The following USP24 variants were observed in gnomAD, a reference collection of about 807,000 sequenced individuals.
USP24 encodes ubiquitin carboxyl-terminal hydrolase 24.
USP24 carries 97 observed loss-of-function variants against 361.6 expected under a neutral mutation model. The ratio of observed to expected loss-of-function variants is 0.27; its 90% CI spans 0.23 to 0.32. USP24 has a LOEUF of 0.32. USP24 is among the 10% of genes least tolerant of loss of function. The pLI, the probability that USP24 is intolerant of heterozygous loss-of-function variation, is 1.00. For synonymous variants in USP24, 1,098 were observed against 1,124.6 expected (o/e 0.98, Z 0.47); for missense variants, 2,353 against 3,165.6 (o/e 0.74, Z 6.16).
intron 54 of USP24, among the ~76,000 whole-genome samples, chr1:55,091,211 G>A (rs1475700115): frequency 1.3e-5 from 1 of 79,362 alleles, no homozygotes; most frequent in African/African-American, 2.7e-5. Context: ...TTAGGAACAG[G>A]GCCGCACAGC....
At chr1:55,073,045 G>C (rs1371005196) in intron 64 of USP24, 184 bp from the exon 65 acceptor site, 5 of 598,206 alleles carry the variant, frequency 8.4e-6, no homozygotes, top group African/African-American at 1.9e-5. Context: ...TTCCCCCAGG[G>C]GCTGGGGGAA....
At chr1:55,179,948 T>C (rs1643914714) in intron 1 of USP24, among the ~76,000 whole-genome samples, 1 of 152,234 alleles carries the variant, frequency 6.6e-6, no homozygotes, top group East Asian at 1.9e-4. Flanking sequence ...CCTTAAAATC[T>C]TCATGGCTTT....
Position 55,154,452 on chromosome 1 carries a change from C to CA in USP24, c.1568_1569insT (p.Glu523AspfsTer3). The CA allele has an allele frequency of 6.4e-7, 1 of 1,551,474 alleles. No homozygotes were observed. Among genetic ancestry groups the CA allele is most frequent in the Non-Finnish European group, 8.7e-7 (1 of 1,146,824 alleles). ...AAAGCTTCTGTCTTACTCTATCACT[C>CA]TCAGTCTCCCAGCTCTGTAGAACGG... On this transcript the variant is annotated frameshift_variant, in exon 14 of 68. Transcript: ENST00000294383. LOFTEE classifies it high-confidence loss of function.
intron 5 of USP24, among the ~76,000 whole-genome samples, chr1:55,167,559 C>T (rs961754728): frequency 6.6e-6 from 1 of 152,088 alleles, no homozygotes; most frequent in Non-Finnish European, 1.5e-5. Flanking sequence ...GTCACTCTTG[C>T]AGTTCTGTGA....
chr1:55,181,904 C>A (rs1643979276), intron 1 of USP24, among the ~76,000 whole-genome samples: 1 of 152,046 alleles, frequency 6.6e-6, no homozygotes, highest in Non-Finnish European at 1.5e-5. Context: ...GGGCCCTAAT[C>A]CAATAAAACT....
chr1:55,077,201 T>C, intron 62 of USP24, 34 bp downstream of exon 62: 1 of 1,451,570 alleles, frequency 6.9e-7, no homozygotes. Context: ...AATACATTCC[T>C]AAATAAAAGT....
At chr1:55,188,947 A>G (rs1472887287) in intron 1 of USP24, among the ~76,000 whole-genome samples, 7 of 145,294 alleles carry the variant, frequency 4.8e-5, no homozygotes, top group Non-Finnish European at 9.0e-5. Flanking sequence ...CTGGACAACA[A>G]GAGCAAAACT....
rs773448005 is a variant in USP24, at chr1:55,215,083, T to C, written c.31A>G (p.Thr11Ala). 1 of 1,392,792 alleles carries C rather than the reference T, an allele frequency of 7.2e-7. No individual in the cohort carries two copies. The highest frequency in any genetic ancestry group is 9.4e-7 in the Non-Finnish European group (1 of 1,065,614). 86.3% of individuals were successfully genotyped at this position (1,392,792 alleles called of 1,614,324 possible). Residue 11 changes from threonine (T) to alanine (A), a missense_variant, in exon 1 of 68, where the codon ACG becomes GCG. Around this residue, in one of 8 missense-constraint regions of USP24, gnomAD observed 253 missense variants for 255.3 expected, o/e 0.99. Coordinates refer to ENST00000294383, the MANE Select transcript of USP24 (RefSeq NM_015306.3). Reference protein sequence around the residue: MESEEEQHMTTLLCMGFSDPA... With the variant: MESEEEQHMTALLCMGFSDPA... ...TCTGAGAAGCCCATGCACAGCAGCG[T>C]GGTCATGTGCTGCTCCTCCTCCGAT...
Position 55,133,341 on chromosome 1 carries a change from A to G in USP24, c.3382-641T>C, listed in dbSNP as rs541462078. Among the ~76,000 whole-genome samples the G allele has an allele frequency of 2.6e-5, 4 of 152,364 alleles. No individual in the cohort carries two copies. In the East Asian group the frequency reaches 7.7e-4, roughly 29 times the overall value. On this transcript the variant is annotated intron_variant, in intron 30 of 67. Coordinates refer to ENST00000294383, the MANE Select transcript of USP24 (RefSeq NM_015306.3). ...TAAATATCAACTGTGAAAAAATTAA[A>G]TGATAATCCATTTATATTAGCAACT...
intron 1 of USP24, among the ~76,000 whole-genome samples, chr1:55,204,918 G>C (rs1644667122): frequency 6.6e-6 from 1 of 152,080 alleles, no homozygotes; most frequent in African/African-American, 2.4e-5. Context: ...TTTTTATTCT[G>C]AGAACTCTTT....
intron 36 of USP24, among the ~76,000 whole-genome samples, chr1:55,122,239 A>G (rs977771983): frequency 2.0e-5 from 3 of 152,162 alleles, no homozygotes; most frequent in African/African-American, 7.2e-5. Context: ...TAATTTTTTT[A>G]TAGGTGGTTG....
chr1:55,097,095 T>C lies in USP24; in HGVS notation c.5793A>G (p.Glu1931=). Reference sequence around the variant, plus strand: ...CGCCCTGATCCACACTTCGCCCATTTTCCCCAACTTCAGAAGAAGAATCTT... The same window carrying C: ...CGCCCTGATCCACACTTCGCCCATTCTCCCCAACTTCAGAAGAAGAATCTT... The part of the protein sequence containing the change: ...ARQDSSSEVG[E]NGRSVDQGGG... The change falls in exon 49 of 68, where the codon GAA becomes GAG. Residue 1931 remains glutamate, a synonymous_variant. Transcript: ENST00000294383. The C allele has an allele frequency of 6.2e-7, 1 of 1,613,998 alleles. No individual in the cohort carries two copies. Among genetic ancestry groups the C allele is most frequent in the Non-Finnish European group, 8.5e-7 (1 of 1,179,880 alleles).
chr1:55,145,829 T>G (rs1432343906), intron 20 of USP24, among the ~76,000 whole-genome samples, 169 bp downstream of exon 20: 2 of 152,136 alleles, frequency 1.3e-5, no homozygotes, highest in Non-Finnish European at 2.9e-5. Context: ...ATACCATTCA[T>G]GTAGAAAGGA....
intron 41 of USP24, among the ~76,000 whole-genome samples, chr1:55,105,431 T>G (rs1409454309): frequency 6.6e-6 from 1 of 152,242 alleles, no homozygotes; most frequent in African/African-American, 2.4e-5. Context: ...CTGCTTATTA[T>G]GCCTTGTCCA....
rs1165658382 is a variant in USP24 at position 55,115,495 on chromosome 1, CAAAAA to C, written c.4508+5096_4508+5100del. 1.0e-3 allele frequency among the ~76,000 whole-genome samples: 46 copies of C among 45,842 alleles called. 1 individual carries two copies. The highest frequency in any genetic ancestry group is 2.7e-3 in the African/African-American group (40 of 14,628). The allele number at this position is 45,842 out of a possible 152,430, so 30.1% of individuals were successfully genotyped here. ...TGGGCGACAGAGCGAGACTCCGCCT[CAAAAA>C]AAAAAAAAAAAAAAAAGGAAACAAC... On this transcript the variant is annotated intron_variant, in intron 38 of 67. Coordinates refer to ENST00000294383, the MANE Select transcript of USP24 (RefSeq NM_015306.3).
At position 55,101,748 on chromosome 1, in the gene USP24, T is replaced by C. The variant is rs973449009; in HGVS notation, c.5026-45A>G. Reference sequence around the variant, plus strand: ...AAACAGCAGAGGAGAAGAATGAGCATTTCTGCCACAGACACATTTACACTA... The same window carrying C: ...AAACAGCAGAGGAGAAGAATGAGCACTTCTGCCACAGACACATTTACACTA... On this transcript the variant is annotated intron_variant, in intron 42 of 67. Transcript: ENST00000294383. The C allele has an allele frequency of 7.2e-6, 11 of 1,530,496 alleles. No individual in the cohort carries two copies. The African/African-American group carries it at 1.5e-4, about 21-fold the overall frequency. The allele number at this position is 1,530,496 out of a possible 1,614,324, so 94.8% of individuals were successfully genotyped here.
chr1:55,085,992 C>A lies in USP24; in HGVS notation c.6715G>T (p.Ala2239Ser), dbSNP rs1328658107. The change falls in exon 56 of 68, where the codon GCC becomes TCC. Residue 2239 changes from alanine to serine, a missense_variant. Physicochemically the swap from Ala to Ser is moderately conservative, Grantham distance 99. Around this residue, in one of 8 missense-constraint regions of USP24, gnomAD observed 598 missense variants for 761.9 expected, o/e 0.78. Transcript: ENST00000294383. ...TCTAGGGTTTTCTCCAGAATGGTGGCCACAGCAACTCGTACTTCTCTCACA... is the reference window on the plus strand; with the variant it reads ...TCTAGGGTTTTCTCCAGAATGGTGGACACAGCAACTCGTACTTCTCTCACA... ...CNVREVRVAV[A>S]TILEKTLDSA... 6.2e-7 allele frequency: 1 copy of A among 1,613,902 alleles called. No homozygotes were observed. Among genetic ancestry groups the A allele is most frequent in the South Asian group, 1.1e-5 (1 of 91,078 alleles).
At chr1:55,113,059 T>G (rs1165207241) in intron 38 of USP24, among the ~76,000 whole-genome samples, 1 of 152,196 alleles carries the variant, frequency 6.6e-6, no homozygotes, top group East Asian at 1.9e-4. Context: ...TGGTTTAAAG[T>G]CTGTTTATCA....
At chr1:55,091,389 C>CGAGG (rs1290337948) in intron 54 of USP24, among the ~76,000 whole-genome samples, 1 of 152,146 alleles carries the variant, frequency 6.6e-6, no homozygotes, top group African/African-American at 2.4e-5. Context: ...CCCAACCCTC[C>CGAGG]CTTTTGTGGA....
Sources: allele counts gnomAD v4.1 joint callset (sites outside exome capture counted in the v4.1 genomes callset), GRCh38; gene constraint gnomAD v4.1.1; regional missense constraint gnomAD v4.1.1; transcripts MANE v1.5; gene names NCBI Gene and HGNC (gene_info 2026-07-23, HGNC 2026-07-21).